Variants in MSH4 observed in about 807,000 individuals in gnomAD.
The protein encoded by MSH4 is mutS protein homolog 4.
MSH4 carries 106 observed loss-of-function variants against 113.7 expected under a neutral mutation model. The observed-to-expected ratio is 0.93, with a 90% CI of 0.80 to 1.10. The LOEUF is 1.10. Ranked by LOEUF, MSH4 falls within the 50% of genes least tolerant of loss-of-function variation. MSH4 has a pLI of 0.00. For synonymous variants in MSH4, 368 were observed against 380.2 expected, an observed-to-expected ratio of 0.97 and a Z score of 0.37; for missense variants, 1,061 against 1,093.7, an observed-to-expected ratio of 0.97 and a Z score of 0.42.
At chr1:75,885,955 ATGTAT>A in intron 15 of MSH4, among the ~76,000 whole-genome samples, 1 of 115,768 alleles carries the variant, frequency 8.6e-6, no homozygotes, top group Non-Finnish European at 1.6e-5. Flanking sequence ...AATATATATG[ATGTAT>A]TATATAGCAT....
chr1:75,841,728 T>C (rs1012425554), intron 7 of MSH4, among the ~76,000 whole-genome samples: 3 of 152,016 alleles, frequency 2.0e-5, no homozygotes, highest in African/African-American at 4.8e-5. Flanking sequence ...GTTGTAGTGA[T>C]AGATTTGGGG....
chr1:75,798,211 G>A (rs1052441525), intron 1 of MSH4, among the ~76,000 whole-genome samples: 3 of 152,062 alleles, frequency 2.0e-5, no homozygotes, highest in Admixed American at 6.5e-5. Flanking sequence ...CTCCTGCCTC[G>A]GTCTGCCCAA....
rs770685283 is a variant in MSH4 at position 75,796,941 on chromosome 1, C to T, written c.-45C>T. ...TCTGTAGTTGGGCTACTGGAGGGGT[C>T]GCTCAGAAACCTCATACTTCTCGGG... is the stretch of plus-strand genomic sequence containing the variant. On this transcript the variant is annotated 5_prime_UTR_variant, in exon 1 of 20. Transcript: ENST00000263187. The T allele has an allele frequency of 3.7e-6, 6 of 1,607,422 alleles. No homozygotes were observed. The highest frequency in any genetic ancestry group is 4.3e-6 in the Non-Finnish European group (5 of 1,176,134).
intron 18 of MSH4, among the ~76,000 whole-genome samples, chr1:75,898,633 C>A (rs1652436900): frequency 6.6e-6 from 1 of 152,036 alleles, no homozygotes; most frequent in South Asian, 2.1e-4. Flanking sequence ...ATTCTTCTGC[C>A]TCAGCCTCCC....
chr1:75,829,731 G>C (rs567238440), intron 7 of MSH4, among the ~76,000 whole-genome samples: 1 of 152,276 alleles, frequency 6.6e-6, no homozygotes, highest in East Asian at 1.9e-4. Flanking sequence ...GGTCCTGACT[G>C]ATAGAAGGAA....
At chr1:75,854,013 G>GTGTATATA (rs1353448679) in intron 8 of MSH4, among the ~76,000 whole-genome samples, 4 of 116,844 alleles carry the variant, frequency 3.4e-5, no homozygotes, top group South Asian at 4.0e-4. Flanking sequence ...GTGTGTGTGT[G>GTGTATATA]TATATATATA....
chr1:75,907,684 C>CTCTCTCTACATATATA (rs1307238647), intron 19 of MSH4, among the ~76,000 whole-genome samples: 1 of 46,576 alleles, frequency 2.1e-5, no homozygotes, highest in African/African-American at 9.9e-5. Flanking sequence ...CTCTCTCTCT[C>CTCTCTCTACATATATA]TATACATATA....
chr1:75,805,596 A>C (rs935086812), intron 2 of MSH4, among the ~76,000 whole-genome samples: 10 of 151,550 alleles, frequency 6.6e-5, no homozygotes. Flanking sequence ...CATGTTGGCC[A>C]GGCTGGTCTC....
At chr1:75,866,654 T>C (rs1651567947) in intron 8 of MSH4, among the ~76,000 whole-genome samples, 1 of 152,210 alleles carries the variant, frequency 6.6e-6, no homozygotes, top group South Asian at 2.1e-4. Context: ...GTCCAGGTAT[T>C]GTGCAGTGGG....
At chr1:75,798,496 T>C (rs1649867096) in intron 1 of MSH4, among the ~76,000 whole-genome samples, 1 of 152,116 alleles carries the variant, frequency 6.6e-6, no homozygotes, top group Non-Finnish European at 1.5e-5. Context: ...CTTCTGAAGT[T>C]TTTATTGATG....
chr1:75,884,981 ATATATATGTG>A (rs1570987580), intron 15 of MSH4, among the ~76,000 whole-genome samples: 1 of 146,686 alleles, frequency 6.8e-6, no homozygotes, highest in Non-Finnish European at 1.5e-5. Flanking sequence ...GTATGTATGT[ATATATATGTG>A]TATATATATG....
chr1:75,907,175 T>G (rs1468141933), intron 19 of MSH4, among the ~76,000 whole-genome samples: 1 of 152,142 alleles, frequency 6.6e-6, no homozygotes, highest in Non-Finnish European at 1.5e-5. Context: ...CTTTAACATT[T>G]CTTATAATAT....
chr1:75,803,646 G>A, intron 1 of MSH4, 85 bp from the exon 2 acceptor site: 1 of 1,010,360 alleles, frequency 9.9e-7, no homozygotes, highest in Non-Finnish European at 1.4e-6. Context: ...AAAAAGGAAA[G>A]TGAACATGGT....
intron 5 of MSH4, 141 bp downstream of exon 5, chr1:75,815,277 T>C (rs1306668685): frequency 4.0e-6 from 2 of 494,224 alleles, no homozygotes; most frequent in Non-Finnish European, 7.1e-6. Context: ...TGTTCTCTGC[T>C]GCATTCCTAC....
chr1:75,878,924 G>C, intron 11 of MSH4, 68 bp from the exon 12 acceptor site: 1 of 1,356,878 alleles, frequency 7.4e-7, no homozygotes, highest in Non-Finnish European at 1.0e-6. Context: ...CTTTAAAACA[G>C]AGTGATTTTT....
intron 1 of MSH4, among the ~76,000 whole-genome samples, chr1:75,798,464 C>T (rs774338436): frequency 6.6e-6 from 1 of 152,150 alleles, no homozygotes; most frequent in Non-Finnish European, 1.5e-5. Context: ...CTCATCTACA[C>T]TCCAGACTTA....
In MSH4 at chr1:75,810,937, T is replaced by C. The variant is rs1467865181; in HGVS notation, c.699+130T>C. On this transcript the variant is annotated intron_variant, in intron 4 of 19. Transcript: ENST00000263187. ...CCCAGGCTGGAGTGAAAGGGCGTGA[T>C]CTCGGCTTACTGCAACCTCCAGCTC... 110 of 425,086 alleles carry C rather than the reference T, an allele frequency of 2.6e-4. 1 individual carries two copies. The East Asian group carries it at 5.0e-3, about 19-fold the overall frequency. The allele number at this position is 425,086 out of a possible 1,614,324, so 26.3% of individuals were successfully genotyped here.
At chr1:75,818,679 A>G (rs1144342) in intron 6 of MSH4, among the ~76,000 whole-genome samples, 131,622 of 152,146 alleles carry the variant, frequency 0.87, 57,157 homozygotes, top group South Asian at 0.94. Context: ...CAACTCTACT[A>G]TCAAATTCAT....
intron 19 of MSH4, among the ~76,000 whole-genome samples, chr1:75,907,684 C>CATATA (rs1652690842): frequency 2.1e-5 from 1 of 46,574 alleles, no homozygotes; most frequent in Non-Finnish European, 3.7e-5. Flanking sequence ...CTCTCTCTCT[C>CATATA]TATACATATA....
Sources: gnomAD v4.1 joint callset for allele counts (sites outside exome capture counted in the v4.1 genomes callset) on GRCh38, gnomAD v4.1.1 for gene constraint, MANE v1.5 for transcripts, NCBI Gene and HGNC (gene_info 2026-07-23, HGNC 2026-07-21) for gene names.